Variants in CSNK2A2 observed in about 807,000 individuals in gnomAD.
The protein encoded by CSNK2A2 is casein kinase II subunit alpha'.
Under a neutral mutation model 54.0 loss-of-function variants are expected in CSNK2A2, and 8 were observed. That is an observed-to-expected ratio of 0.15 (90% CI 0.09 to 0.27). The LOEUF (loss-of-function observed/expected upper bound fraction) is 0.27. Among genes scored for constraint, CSNK2A2 ranks in the 10% least tolerant of loss-of-function variants. The pLI, the probability that CSNK2A2 is intolerant of heterozygous loss-of-function variation, is 1.00. For synonymous variants in CSNK2A2, 141 were observed against 153.9 expected, an observed-to-expected ratio of 0.92 and a Z score of 0.62; for missense variants, 242 against 439.4, an observed-to-expected ratio of 0.55 and a Z score of 4.02.
intron 4 of CSNK2A2, among the ~76,000 whole-genome samples, chr16:58,180,428 C>T (rs372265565): frequency 2.7e-5 from 4 of 146,460 alleles, no homozygotes; most frequent in African/African-American, 1.0e-4. Context: ...TAAGAGAATT[C>T]TTTGTCAATC....
chr16:58,167,822 T>C (rs754517327), intron 6 of CSNK2A2, 27 bp from the exon 7 acceptor site: 1 of 1,572,516 alleles, frequency 6.4e-7, no homozygotes, highest in Non-Finnish European at 8.8e-7. Context: ...AAAAAACATG[T>C]GAAAGGAGTG....
rs1190956425 is a variant in CSNK2A2, at chr16:58,197,762, G to C, written c.-26C>G. On this transcript the variant is annotated 5_prime_UTR_variant, in exon 1 of 12. Coordinates refer to ENST00000262506, the MANE Select transcript of CSNK2A2 (RefSeq NM_001896.4). The surrounding 1 kb of genome is among the most constrained non-coding windows in gnomAD (Gnocchi z 4.0). Reference sequence around the variant, plus strand: ...GGCGGGCGGGACCGGGGGGCGGCGCGGGGCGCAGAGGGTGGCGGCGGCGGC... The same window carrying C: ...GGCGGGCGGGACCGGGGGGCGGCGCCGGGCGCAGAGGGTGGCGGCGGCGGC... 5 of 917,340 alleles carry C rather than the reference G, an allele frequency of 5.5e-6. No individual in the cohort carries two copies. In the East Asian group the frequency reaches 3.3e-4, roughly 61 times the overall value. The allele number at this position is 917,340 out of a possible 1,614,324, so 56.8% of individuals were successfully genotyped here.
chr16:58,194,436 G>C (rs1029026454), intron 2 of CSNK2A2, among the ~76,000 whole-genome samples: 1 of 152,098 alleles, frequency 6.6e-6, no homozygotes. Flanking sequence ...CTTCAGACAG[G>C]AACAAAATCT....
chr16:58,170,286 A>G (rs1367688787), intron 5 of CSNK2A2, among the ~76,000 whole-genome samples: 6 of 152,066 alleles, frequency 3.9e-5, no homozygotes, highest in African/African-American at 1.4e-4. Flanking sequence ...ACAACCACTG[A>G]CCTGCTATTT....
Position 58,197,164 on chromosome 16 carries a change from C to G in CSNK2A2, c.105-320G>C, listed in dbSNP as rs1962478257. The stretch of plus-strand genomic sequence containing the variant: ...CCTGTGCCCCGCGGCTCCCCAGCAC[C>G]TGCTTCTCGTTTCACATCTTCAAGG... On this transcript the variant is annotated intron_variant, in intron 1 of 11. Transcript: ENST00000262506. This position sits in a 1 kb window ranked among gnomAD's most constrained non-coding sequence, Gnocchi z 4.0. 2 of 344,214 alleles carry G rather than the reference C, an allele frequency of 5.8e-6. No homozygotes were observed. The highest frequency in any genetic ancestry group is 4.0e-5 in the Admixed American group (1 of 24,710). 21.3% of individuals were successfully genotyped at this position (344,214 alleles called of 1,614,324 possible).
At chr16:58,160,852 A>G (rs569620881) in intron 11 of CSNK2A2, 6 of 152,340 alleles carry the variant, frequency 3.9e-5, no homozygotes, top group African/African-American at 1.2e-4. Flanking sequence ...TATCAGTCTG[A>G]GAGCACCTTC....
At chr16:58,167,643 G>C (rs755791232) in intron 7 of CSNK2A2, 42 bp downstream of exon 7, 3 of 1,441,370 alleles carry the variant, frequency 2.1e-6, no homozygotes, top group Non-Finnish European at 2.9e-6. Context: ...AAAGCCCTAA[G>C]CAAGTATAAA....
chr16:58,182,779 C>A (rs890332018), intron 4 of CSNK2A2, among the ~76,000 whole-genome samples: 8 of 152,202 alleles, frequency 5.3e-5, no homozygotes, highest in Non-Finnish European at 1.2e-4. Flanking sequence ...TTCCCACTCA[C>A]ATATACCAGG....
chr16:58,167,360 C>G, intron 7 of CSNK2A2, 52 bp from the exon 8 acceptor site: 1 of 1,421,370 alleles, frequency 7.0e-7, no homozygotes, highest in Non-Finnish European at 9.7e-7. Flanking sequence ...ATCCATTTTT[C>G]TGATATAAAT....
At chr16:58,191,455 G>A (rs1029736405) in intron 2 of CSNK2A2, among the ~76,000 whole-genome samples, 8 of 152,134 alleles carry the variant, frequency 5.3e-5, no homozygotes, top group Middle Eastern at 3.4e-3. Context: ...TCTGCCTCCC[G>A]GGTTCAAGCA....
At position 58,169,337 on chromosome 16, in the gene CSNK2A2, C is replaced by T. The variant is rs142629930; in HGVS notation, c.430-644G>A. Among the ~76,000 whole-genome samples the T allele has an allele frequency of 6.0e-4, 92 of 152,120 alleles. No individual in the cohort carries two copies. In the East Asian group the frequency reaches 0.015, roughly 25 times the overall value. ...GGTGGATCACTTGAGGTCAGGAGTT[C>T]GAGACTAGCCTGGGCAACACGGCTA... is the stretch of plus-strand genomic sequence containing the variant. On this transcript the variant is annotated intron_variant, in intron 5 of 11. Transcript: ENST00000262506.
At position 58,158,200 on chromosome 16, in the gene CSNK2A2, C is replaced by G. The variant is rs1413706219; in HGVS notation, c.*171G>C. On this transcript the variant is annotated 3_prime_UTR_variant, in exon 12 of 12. Coordinates refer to ENST00000262506, the MANE Select transcript of CSNK2A2 (RefSeq NM_001896.4). Reference sequence around the variant, plus strand: ...ACATTCGGAAGTGAGGTTTGATATACGGTGGTGGGCTGCCCTTCGCTTGGT... The same window carrying G: ...ACATTCGGAAGTGAGGTTTGATATAGGGTGGTGGGCTGCCCTTCGCTTGGT... 4 of 152,630 alleles carry G rather than the reference C, an allele frequency of 2.6e-5. No homozygotes were observed. Among genetic ancestry groups the G allele is most frequent in the Non-Finnish European group, 5.9e-5 (4 of 68,066 alleles). The allele number at this position is 152,630 out of a possible 1,614,324, so 9.5% of individuals were successfully genotyped here. A position where few individuals can be genotyped will look rare whatever the true frequency, so the allele number is the denominator to read the frequency against.
intron 7 of CSNK2A2, among the ~76,000 whole-genome samples, 172 bp from the exon 8 acceptor site, chr16:58,167,480 G>T (rs1478858532): frequency 7.9e-5 from 12 of 151,906 alleles, no homozygotes; most frequent in Non-Finnish European, 1.5e-5. Flanking sequence ...TGAATTTCTA[G>T]TCTTCATTTA....
At chr16:58,190,870 C>G (rs1489691284) in intron 2 of CSNK2A2, among the ~76,000 whole-genome samples, 1 of 152,228 alleles carries the variant, frequency 6.6e-6, no homozygotes, top group Non-Finnish European at 1.5e-5. Context: ...AGCAATTCCA[C>G]TTCTGGGTCT....
At position 58,174,517 on chromosome 16, in the gene CSNK2A2, C is replaced by T. The variant is rs1282155428; in HGVS notation, c.370-7G>A. On this transcript the variant is annotated splice_region_variant and splice_polypyrimidine_tract_variant and intron_variant, in intron 4 of 11. Coordinates refer to ENST00000262506, the MANE Select transcript of CSNK2A2 (RefSeq NM_001896.4). Reference sequence around the variant, plus strand: ...TCAGGATCTGGTAGAGTTGCTGAAACAGATTCCAGAAAACAGAAAGTTAAT... The same window carrying T: ...TCAGGATCTGGTAGAGTTGCTGAAATAGATTCCAGAAAACAGAAAGTTAAT... 2 of 1,610,814 alleles carry T rather than the reference C, an allele frequency of 1.2e-6. No individual in the cohort carries two copies. The highest frequency in any genetic ancestry group is 1.3e-5 in the African/African-American group (1 of 74,832).
At chr16:58,171,659 T>C (rs542466201) in intron 5 of CSNK2A2, among the ~76,000 whole-genome samples, 64 of 152,182 alleles carry the variant, frequency 4.2e-4, no homozygotes, top group South Asian at 2.1e-4. Flanking sequence ...CTACCAGCCC[T>C]GTCCAATAGG....
chr16:58,166,784 A>C, intron 8 of CSNK2A2, 100 bp from the exon 9 acceptor site: 1 of 792,640 alleles, frequency 1.3e-6, no homozygotes, highest in Non-Finnish European at 2.1e-6. Context: ...CACACCACTA[A>C]ACCTCTAGGA....
chr16:58,181,116 C>T (rs1054465802), intron 4 of CSNK2A2, among the ~76,000 whole-genome samples: 4 of 152,214 alleles, frequency 2.6e-5, no homozygotes, highest in Admixed American at 2.6e-4. Flanking sequence ...AACACCTCTG[C>T]TCTACCTGAA....
rs1961483509 is a variant in CSNK2A2 at position 58,163,968 on chromosome 16, GAATTTCTTTTTAT to G, written c.*17+73_*17+85del. ...TCTGTGCATTTAGAAGGAATGATAA[GAATTTCTTTTTAT>G]CACACTGTAGTTTTCCTTCAAGGTT... On this transcript the variant is annotated intron_variant, in intron 11 of 11. Coordinates refer to ENST00000262506, the MANE Select transcript of CSNK2A2 (RefSeq NM_001896.4). 7.6e-6 allele frequency: 8 copies of G among 1,058,714 alleles called. No individual in the cohort carries two copies. In the South Asian group the frequency reaches 1.2e-4, roughly 16 times the overall value. 65.6% of individuals were successfully genotyped at this position (1,058,714 alleles called of 1,614,324 possible).
Sources: allele counts gnomAD v4.1 joint callset (sites outside exome capture counted in the v4.1 genomes callset), GRCh38; gene constraint gnomAD v4.1.1; non-coding constraint Gnocchi (gnomAD v3.1); transcripts MANE v1.5; gene names NCBI Gene and HGNC (gene_info 2026-07-23, HGNC 2026-07-21).